Variants in PPP1R21 observed in about 807,000 individuals in gnomAD.
PPP1R21 encodes the protein KLRAQ motif containing 1.
In PPP1R21, 85 loss-of-function variants were observed where a neutral mutation model predicts 112.8. The observed-to-expected ratio is 0.75, with a 90% confidence interval of 0.63 to 0.90. The LOEUF is 0.90. Ranked by LOEUF, PPP1R21 falls within the 40% of genes least tolerant of loss-of-function variation. The pLI is 0.00. For missense variants in PPP1R21, 1,199 were observed against 901.5 expected (o/e 1.33, Z -4.23); for synonymous variants, 381 against 322.3 (o/e 1.18, Z -1.95).
chr2:48,470,613 T>G (rs928566583), intron 9 of PPP1R21, among the ~76,000 whole-genome samples: 6 of 152,182 alleles, frequency 3.9e-5, no homozygotes, highest in African/African-American at 1.4e-4. Flanking sequence ...AAAAATAAGC[T>G]TTCCTCAATA....
At chr2:48,460,203 A>T (rs200913125) in intron 6 of PPP1R21, 50 bp downstream of exon 6, 1 of 1,585,568 alleles carries the variant, frequency 6.3e-7, no homozygotes, top group South Asian at 1.1e-5. Context: ...GACTCAGAAG[A>T]CATGGGTTTT....
chr2:48,508,932 C>T (rs575902966), intron 19 of PPP1R21, among the ~76,000 whole-genome samples: 3 of 152,230 alleles, frequency 2.0e-5, no homozygotes, highest in Admixed American at 6.5e-5. Flanking sequence ...TATTGGTAAA[C>T]AGGAAGTGGT....
intron 14 of PPP1R21, among the ~76,000 whole-genome samples, chr2:48,487,206 G>T (rs1444101093): frequency 6.6e-6 from 1 of 151,920 alleles, no homozygotes; most frequent in African/African-American, 2.4e-5. Context: ...TAGAACACTG[G>T]GAACATACAA....
intron 1 of PPP1R21, among the ~76,000 whole-genome samples, chr2:48,444,505 T>C (rs1311814163): frequency 6.6e-6 from 1 of 152,246 alleles, no homozygotes; most frequent in Admixed American, 6.5e-5. Context: ...AGTGCTGAGT[T>C]CTGGCTCATT....
At position 48,507,875 on chromosome 2, in the gene PPP1R21, C is replaced by T. The variant is rs1024530128; in HGVS notation, c.2085+490C>T. Among the ~76,000 whole-genome samples the T allele has an allele frequency of 4.1e-5, 6 of 147,554 alleles. No individual in the cohort carries two copies. The South Asian group carries it at 8.6e-4, about 21-fold the overall frequency. ...CCGCCTCCTGGGTTCGAGCGATTCT[C>T]CCGCCCCAGCCTCCTGAGTAGCTGG... On this transcript the variant is annotated intron_variant, in intron 19 of 21. Coordinates refer to ENST00000294952, the MANE Select transcript of PPP1R21 (RefSeq NM_001135629.3).
At chr2:48,498,780 A>G (rs758884568) in intron 17 of PPP1R21, 45 bp downstream of exon 17, 9 of 1,593,746 alleles carry the variant, frequency 5.6e-6, no homozygotes, top group African/African-American at 1.3e-5. Flanking sequence ...TTTAAATGCT[A>G]ATTGGTAAGT....
intron 11 of PPP1R21, among the ~76,000 whole-genome samples, chr2:48,472,998 T>C (rs1422756423): frequency 1.4e-5 from 2 of 145,822 alleles, no homozygotes; most frequent in Non-Finnish European, 3.0e-5. Context: ...AGAGTCCCTG[T>C]CTCTTAAAAA....
intron 19 of PPP1R21, among the ~76,000 whole-genome samples, chr2:48,508,550 G>A (rs79811555): frequency 1.3e-5 from 2 of 152,166 alleles, no homozygotes; most frequent in Admixed American, 6.5e-5. Context: ...TGCAGGAAAG[G>A]GGGAGGACAG....
At chr2:48,457,422 G>T (rs558742669) in intron 3 of PPP1R21, among the ~76,000 whole-genome samples, 45 of 152,274 alleles carry the variant, frequency 3.0e-4, no homozygotes, top group African/African-American at 9.9e-4. Flanking sequence ...AGAAAGGGTG[G>T]TGACTGATGT....
intron 12 of PPP1R21, among the ~76,000 whole-genome samples, chr2:48,477,323 G>A (rs1477502572): frequency 3.3e-5 from 5 of 151,894 alleles, no homozygotes; most frequent in Admixed American, 2.0e-4. Context: ...GTCTCACCAT[G>A]TTGGCCAGGC....
chr2:48,484,551 C>G (rs1669188524), intron 13 of PPP1R21, among the ~76,000 whole-genome samples: 2 of 138,494 alleles, frequency 1.4e-5, no homozygotes, highest in African/African-American at 5.4e-5. Flanking sequence ...GATTCTTGCT[C>G]TGTTGCCCAG....
chr2:48,491,217 T>C, intron 15 of PPP1R21, 47 bp downstream of exon 15: 1 of 1,580,894 alleles, frequency 6.3e-7, no homozygotes, highest in Non-Finnish European at 8.6e-7. Context: ...ACATCAGGAG[T>C]CATTCTAGAG....
At chr2:48,446,917 A>G (rs962825115) in intron 1 of PPP1R21, among the ~76,000 whole-genome samples, 1 of 151,958 alleles carries the variant, frequency 6.6e-6, no homozygotes, top group Non-Finnish European at 1.5e-5. Flanking sequence ...TGCCCGGCTA[A>G]TTTTTGTATT....
chr2:48,496,883 A>G (rs1339735698), intron 16 of PPP1R21, among the ~76,000 whole-genome samples: 3 of 152,268 alleles, frequency 2.0e-5, no homozygotes, highest in Non-Finnish European at 4.4e-5. Context: ...GAATAGCTGA[A>G]CACATAGAGG....
intron 1 of PPP1R21, 158 bp downstream of exon 1, chr2:48,441,168 C>A: frequency 1.6e-6 from 1 of 643,890 alleles, no homozygotes; most frequent in South Asian, 1.7e-5. Context: ...GGTGCCTCCA[C>A]CTGCAGCTCC....
At chr2:48,492,081 C>G (rs1384500029) in intron 15 of PPP1R21, among the ~76,000 whole-genome samples, 1 of 152,174 alleles carries the variant, frequency 6.6e-6, no homozygotes, top group Non-Finnish European at 1.5e-5. Context: ...GATATTCTTG[C>G]ACCTGCAATT....
chr2:48,469,984 G>T (rs975646788), intron 9 of PPP1R21, among the ~76,000 whole-genome samples: 1 of 152,148 alleles, frequency 6.6e-6, no homozygotes, highest in Non-Finnish European at 1.5e-5. Flanking sequence ...CCATGTGTCT[G>T]TGTAGTTTGT....
At chr2:48,473,748 A>G (rs1442781340) in intron 11 of PPP1R21, among the ~76,000 whole-genome samples, 1 of 151,574 alleles carries the variant, frequency 6.6e-6, no homozygotes, top group African/African-American at 2.4e-5. Flanking sequence ...TTGTCTAAAA[A>G]CCTTTTTTTT....
At chr2:48,461,327 A>G in intron 7 of PPP1R21, 95 bp downstream of exon 7, 1 of 1,365,758 alleles carries the variant, frequency 7.3e-7, no homozygotes, top group Non-Finnish European at 9.5e-7. Context: ...TGGGCAAAAA[A>G]TTTAATTGGC....
Sources: gnomAD v4.1 joint callset for allele counts (sites outside exome capture counted in the v4.1 genomes callset) on GRCh38, gnomAD v4.1.1 for gene constraint, MANE v1.5 for transcripts, NCBI Gene and HGNC (gene_info 2026-07-23, HGNC 2026-07-21) for gene names.